Variants in R3HDM2 observed in about 807,000 individuals in gnomAD.
R3HDM2 encodes R3H domain-containing protein 2.
Under a neutral mutation model 124.5 loss-of-function variants are expected in R3HDM2, and 38 were observed. The ratio of observed to expected loss-of-function variants is 0.31; its 90% CI spans 0.24 to 0.40. The LOEUF (loss-of-function observed/expected upper bound fraction) is 0.40. R3HDM2 is among the 10% of genes least tolerant of loss of function. The probability of loss-of-function intolerance (pLI) is 1.00; values close to 1 mark genes in which losing one functional copy is unlikely to be tolerated. For synonymous variants in R3HDM2, 391 were observed against 448.0 expected, an observed-to-expected ratio of 0.87 and a Z score of 1.61; for missense variants, 869 against 1,236.9, an observed-to-expected ratio of 0.70 and a Z score of 4.46.
intron 21 of R3HDM2, among the ~76,000 whole-genome samples, chr12:57,257,557 T>A (rs749383244): frequency 6.6e-6 from 1 of 152,224 alleles, no homozygotes; most frequent in Non-Finnish European, 1.5e-5. Flanking sequence ...TGAGTTTAAG[T>A]AACTTGTTGA....
intron 2 of R3HDM2, among the ~76,000 whole-genome samples, chr12:57,360,063 T>C (rs2061745629): frequency 8.9e-6 from 1 of 112,244 alleles, no homozygotes; most frequent in Admixed American, 9.4e-5. Context: ...TTTTTTTTTT[T>C]GGTCGCTCAG....
chr12:57,412,473 C>G (rs1054411851), intron 1 of R3HDM2, among the ~76,000 whole-genome samples: 1 of 151,726 alleles, frequency 6.6e-6, no homozygotes, highest in Non-Finnish European at 1.5e-5. Context: ...GAACCTGAGG[C>G]GGAGGCTGCA....
At position 57,268,425 on chromosome 12, in the gene R3HDM2, G is replaced by C; in HGVS notation, c.1908C>G (p.Val636=). ...GCATGGGTTGCTGGAAAGGCGGCTGGACCACATTTTGCGAGTCACTACCCA... is the reference window on the plus strand; with the variant it reads ...GCATGGGTTGCTGGAAAGGCGGCTGCACCACATTTTGCGAGTCACTACCCA... ...VPVGSDSQNV[V]QPPFQQPMLV... Residue 636 remains valine (V), a synonymous_variant, in exon 18 of 24, where the codon GTC becomes GTG. Coordinates refer to ENST00000402412, the MANE Select transcript of R3HDM2 (RefSeq NM_001394031.1). 1 of 1,614,074 alleles carries C rather than the reference G, an allele frequency of 6.2e-7. No individual in the cohort carries two copies. The highest frequency in any genetic ancestry group is 8.5e-7 in the Non-Finnish European group (1 of 1,180,010).
intron 7 of R3HDM2, chr12:57,297,832 C>T (rs1273090473): frequency 2.0e-6 from 1 of 504,532 alleles, no homozygotes; most frequent in East Asian, 3.6e-5. Flanking sequence ...AATCAGTATA[C>T]TCCCAAGACT....
rs2042885721 is a variant in R3HDM2 at position 57,268,206 on chromosome 12, C to G, written c.2030+97G>C. ...TTTAGGGAACTACTGGGATCTTTAC[C>G]CCTGCCTTTCTTAGGCCAGTGGAAA... On this transcript the variant is annotated intron_variant, in intron 18 of 23. Transcript: ENST00000402412. The G allele has an allele frequency of 4.4e-6, 6 of 1,376,856 alleles. No homozygotes were observed. In the South Asian group the frequency reaches 7.3e-5, roughly 17 times the overall value. 85.3% of individuals were successfully genotyped at this position (1,376,856 alleles called of 1,614,324 possible).
At chr12:57,318,222 G>A (rs1183362560) in intron 2 of R3HDM2, among the ~76,000 whole-genome samples, 1 of 152,028 alleles carries the variant, frequency 6.6e-6, no homozygotes, top group Admixed American at 6.6e-5. Flanking sequence ...AACCCAGGAA[G>A]AGGAGGTTGC....
chr12:57,430,500 G>A (rs1351818120), intron 1 of R3HDM2: 6 of 295,386 alleles, frequency 2.0e-5, no homozygotes, highest in Non-Finnish European at 2.9e-5. Flanking sequence ...CCCCCGCACC[G>A]CCGCCCTCCG....
At chr12:57,326,544 G>A (rs1310820727) in intron 2 of R3HDM2, among the ~76,000 whole-genome samples, 4 of 152,252 alleles carry the variant, frequency 2.6e-5, no homozygotes, top group Non-Finnish European at 5.9e-5. Context: ...TGGTTCATGA[G>A]TTTAAGGAAA....
chr12:57,350,118 G>A (rs1411592155), intron 2 of R3HDM2, among the ~76,000 whole-genome samples: 1 of 152,076 alleles, frequency 6.6e-6, no homozygotes, highest in Non-Finnish European at 1.5e-5. Flanking sequence ...GTTGAGGCAG[G>A]AGAATCGCTT....
In R3HDM2 at chr12:57,321,201, C is replaced by A. The variant is rs150872806; in HGVS notation, c.-35-10738G>T. 1.3e-3 allele frequency among the ~76,000 whole-genome samples: 195 copies of A among 152,240 alleles called. 2 individuals carry two copies. Among genetic ancestry groups the A allele is most frequent in the African/African-American group, 4.5e-3 (185 of 41,550 alleles). ...TCAAGGGATGTACATAGGAACATTT[C>A]CAATTTTGGGTTTTGGATTATGGAT... On this transcript the variant is annotated intron_variant, in intron 2 of 23. Coordinates refer to ENST00000402412, the MANE Select transcript of R3HDM2 (RefSeq NM_001394031.1).
At position 57,430,435 on chromosome 12, in the gene R3HDM2, G is replaced by A. The variant is rs1238195509; in HGVS notation, c.-106+285C>T. Reference sequence around the variant, plus strand: ...GCTAGCCACCCCGAAGCACTGGAAGGGCGCAATAGTTTTTAGGTCACCCCG... The same window carrying A: ...GCTAGCCACCCCGAAGCACTGGAAGAGCGCAATAGTTTTTAGGTCACCCCG... On this transcript the variant is annotated intron_variant, in intron 1 of 23. Transcript: ENST00000402412. 12 of 809,620 alleles carry A rather than the reference G, an allele frequency of 1.5e-5. No homozygotes were observed. In the South Asian group the frequency reaches 6.2e-4, roughly 42 times the overall value. The allele number at this position is 809,620 out of a possible 1,614,324, so 50.2% of individuals were successfully genotyped here. A position where few individuals can be genotyped will look rare whatever the true frequency, so the allele number is the denominator to read the frequency against.
chr12:57,289,158 A>G, intron 11 of R3HDM2, 118 bp from the exon 12 acceptor site: 2 of 974,026 alleles, frequency 2.1e-6, no homozygotes, highest in South Asian at 2.8e-5. Flanking sequence ...CACCCCACCA[A>G]CAGGGAGAGA....
intron 10 of R3HDM2, among the ~76,000 whole-genome samples, chr12:57,295,121 T>G (rs1162007731): frequency 6.6e-6 from 1 of 152,142 alleles, no homozygotes; most frequent in Non-Finnish European, 1.5e-5. Context: ...TTCCAAATGA[T>G]GTGGTGTTAG....
At chr12:57,298,276 G>T in intron 6 of R3HDM2, 108 bp from the exon 7 acceptor site, 1 of 855,968 alleles carries the variant, frequency 1.2e-6, no homozygotes, top group Non-Finnish European at 1.8e-6. Flanking sequence ...GAATAGGAAA[G>T]CAAAATCAAA....
chr12:57,299,367 T>C lies in R3HDM2; in HGVS notation c.406A>G (p.Lys136Glu). The change falls in exon 6 of 24, where the codon AAG becomes GAG. Residue 136 changes from lysine to glutamate, a missense_variant. Transcript: ENST00000402412. ...AACTCCTTACCTCTGGACAGCATCT[T>C]CCTTGGGATCTTTTCTTTGTTTTTG... is the stretch of plus-strand genomic sequence containing the variant. Reference protein sequence around the residue: ...KDKNKEKIPRKMLSRDSSQEY... With the variant: ...KDKNKEKIPREMLSRDSSQEY... 1 of 1,549,714 alleles carries C rather than the reference T, an allele frequency of 6.5e-7. No homozygotes were observed. The highest frequency in any genetic ancestry group is 8.7e-7 in the Non-Finnish European group (1 of 1,144,794).
At chr12:57,263,830 T>A (rs2041529392) in intron 19 of R3HDM2, among the ~76,000 whole-genome samples, 1 of 152,182 alleles carries the variant, frequency 6.6e-6, no homozygotes, top group African/African-American at 2.4e-5. Context: ...TAAGATTAAT[T>A]CTGGAATCTA....
chr12:57,284,713 G>C (rs1028619109), intron 12 of R3HDM2, among the ~76,000 whole-genome samples: 1 of 152,196 alleles, frequency 6.6e-6, no homozygotes, highest in Non-Finnish European at 1.5e-5. Context: ...ATCTCTAAGG[G>C]CTAAAGTCTT....
At chr12:57,316,235 A>G (rs1032310374) in intron 2 of R3HDM2, among the ~76,000 whole-genome samples, 34 of 152,336 alleles carry the variant, frequency 2.2e-4, no homozygotes, top group African/African-American at 7.9e-4. Context: ...TTCCACATTC[A>G]TTGATCTAAC....
Position 57,269,065 on chromosome 12 carries a change from G to A in R3HDM2, c.1732C>T (p.Pro578Ser). ...TGGTAAGCCGCCTGCTGCTGGTTAG[G>A]CATCATGGGCTGTAAACCTAGAGAT... ...SQQPGLQPMMPNQQQAAYQGM... is the reference protein window; with the variant it reads ...SQQPGLQPMMSNQQQAAYQGM... The change falls in exon 17 of 24, where the codon CCT becomes TCT. Residue 578 changes from proline (P) to serine (S), a missense_variant. Physicochemically the swap from Pro to Ser is moderately conservative, Grantham distance 74 (BLOSUM62 -1). Around this residue, in one of 2 missense-constraint regions of R3HDM2, gnomAD observed 602 missense variants for 789.2 expected, o/e 0.76. Transcript: ENST00000402412. 1.9e-6 allele frequency: 3 copies of A among 1,614,190 alleles called. No homozygotes were observed. The highest frequency in any genetic ancestry group is 1.6e-4 in the Middle Eastern group (1 of 6,062).
Sources: gnomAD v4.1 joint callset for allele counts (sites outside exome capture counted in the v4.1 genomes callset) on GRCh38, gnomAD v4.1.1 for gene constraint, gnomAD v4.1.1 regional missense constraint, MANE v1.5 for transcripts, NCBI Gene and HGNC (gene_info 2026-07-23, HGNC 2026-07-21) for gene names.